The following NTN1 variants were observed in gnomAD, a reference collection of about 807,000 sequenced individuals.
The protein encoded by NTN1 is netrin-1.
NTN1 carries 11 observed loss-of-function variants against 54.2 expected under a neutral mutation model. The observed-to-expected ratio is 0.20, with a 90% CI of 0.13 to 0.34. The LOEUF is 0.34. Ranked by LOEUF, NTN1 falls within the 10% of genes least tolerant of loss-of-function variation. The pLI is 1.00. For synonymous variants in NTN1, 371 were observed against 382.0 expected (o/e 0.97, Z 0.33); for missense variants, 740 against 893.1 (o/e 0.83, Z 2.18).
intron 2 of NTN1, among the ~76,000 whole-genome samples, chr17:9,029,213 C>T (rs1250497087): frequency 1.3e-5 from 2 of 152,078 alleles, no homozygotes; most frequent in Non-Finnish European, 2.9e-5. Context: ...AGACAGACCA[C>T]AAACTCCTAT....
chr17:9,109,733 G>T (rs1445917683), intron 2 of NTN1, among the ~76,000 whole-genome samples: 1 of 152,176 alleles, frequency 6.6e-6, no homozygotes, highest in African/African-American at 2.4e-5. Flanking sequence ...CCAGCTCTAT[G>T]TGGAAATTTT....
intron 2 of NTN1, among the ~76,000 whole-genome samples, chr17:9,120,052 G>A (rs4791793): frequency 0.02 from 3,045 of 152,068 alleles, 177 homozygotes; most frequent in East Asian, 0.13. Flanking sequence ...AGACCGAGGC[G>A]GGTGGATCAC....
intron 6 of NTN1, among the ~76,000 whole-genome samples, chr17:9,225,266 T>A (rs112175512): frequency 0.21 from 31,737 of 150,630 alleles, 3,573 homozygotes; most frequent in African/African-American, 0.24. Flanking sequence ...AAAAAAAAAA[T>A]AAATAAAAAG....
chr17:9,136,187 C>T (rs934249397), intron 2 of NTN1, among the ~76,000 whole-genome samples: 4 of 152,232 alleles, frequency 2.6e-5, no homozygotes, highest in African/African-American at 7.2e-5. Context: ...CTGCCCTGCA[C>T]ACCTCAGTCT....
intron 2 of NTN1, among the ~76,000 whole-genome samples, chr17:9,160,186 C>T (rs1209504290): frequency 6.6e-6 from 1 of 152,152 alleles, no homozygotes; most frequent in East Asian, 1.9e-4. Context: ...TCATGGCAAC[C>T]TCCACCTCCC....
chr17:9,205,522 G>T (rs1171164599), intron 5 of NTN1, among the ~76,000 whole-genome samples: 1 of 152,268 alleles, frequency 6.6e-6, no homozygotes, highest in Non-Finnish European at 1.5e-5. Flanking sequence ...AGCTACGTGG[G>T]AGGCTAAGTA....
chr17:9,019,889 C>T (rs1181631597), upstream of NTN1, among the ~76,000 whole-genome samples: 1 of 152,210 alleles, frequency 6.6e-6, no homozygotes, highest in Non-Finnish European at 1.5e-5. Flanking sequence ...CTTTCTGCCA[C>T]AAGGTGAGGT....
chr17:9,150,411 G>GAAGGCGTAGAGTTGTGC (rs2092323988), intron 2 of NTN1, among the ~76,000 whole-genome samples: 1 of 152,238 alleles, frequency 6.6e-6, no homozygotes, highest in Admixed American at 6.5e-5. Context: ...TGGAGGTGGA[G>GAAGGCGTAGAGTTGTGC]AAGGCGTAGA....
At chr17:9,108,490 CCA>C (rs1240181016) in intron 2 of NTN1, among the ~76,000 whole-genome samples, 1 of 152,188 alleles carries the variant, frequency 6.6e-6, no homozygotes, top group Admixed American at 6.5e-5. Context: ...ATCAAATAAT[CCA>C]CAGACACCCC....
chr17:9,034,061 C>T (rs750844362), intron 2 of NTN1, among the ~76,000 whole-genome samples: 1 of 152,114 alleles, frequency 6.6e-6, no homozygotes, highest in Non-Finnish European at 1.5e-5. Flanking sequence ...AGAGAACACC[C>T]GTCTTTGACT....
chr17:9,145,376 C>T (rs1044338892), intron 2 of NTN1, among the ~76,000 whole-genome samples: 2 of 152,180 alleles, frequency 1.3e-5, no homozygotes, highest in Admixed American at 6.5e-5. Flanking sequence ...ACAACGCCAC[C>T]GGGCCCAGTG....
chr17:9,035,023 T>C (rs1170349646), intron 2 of NTN1, among the ~76,000 whole-genome samples: 2 of 152,228 alleles, frequency 1.3e-5, no homozygotes, highest in Non-Finnish European at 2.9e-5. Context: ...CGCGGCTCGC[T>C]GCAAGCTCCG....
intron 2 of NTN1, among the ~76,000 whole-genome samples, chr17:9,079,685 C>G (rs956550442): frequency 7.2e-5 from 11 of 151,752 alleles, no homozygotes; most frequent in Non-Finnish European, 1.2e-4. Flanking sequence ...GACCTGTTTC[C>G]TGGTTCCCCC....
rs764564681 is a variant in NTN1 at position 9,239,871 on chromosome 17, A to G, written c.1718A>G (p.Asp573Gly). Residue 573 changes from aspartate to glycine, a missense_variant, in exon 7 of 7, where the codon GAT becomes GGT. By Grantham distance (94) the Asp-to-Gly change is moderately conservative. Transcript: ENST00000173229. The surrounding 1 kb of genome is among the most constrained non-coding windows in gnomAD (Gnocchi z 5.2). Reference protein sequence around the residue: ...DSPDQSGIVADKSSLVIQWRD... With the variant: ...DSPDQSGIVAGKSSLVIQWRD... The stretch of plus-strand genomic sequence containing the variant: ...CCGGACCAGAGCGGCATCGTGGCCG[A>G]TAAAAGCAGCCTGGTGATCCAGTGG... The G allele has an allele frequency of 1.2e-6, 2 of 1,612,196 alleles. No homozygotes were observed. The highest frequency in any genetic ancestry group is 1.7e-6 in the Non-Finnish European group (2 of 1,179,580).
intron 5 of NTN1, among the ~76,000 whole-genome samples, chr17:9,194,720 ACAT>A (rs1904576272): frequency 6.6e-6 from 1 of 152,158 alleles, no homozygotes; most frequent in South Asian, 2.1e-4. Flanking sequence ...AGATTTTCTG[ACAT>A]CAGCCCAGGT....
intron 2 of NTN1, among the ~76,000 whole-genome samples, chr17:9,130,367 A>G (rs913178042): frequency 6.6e-6 from 1 of 152,088 alleles, no homozygotes; most frequent in African/African-American, 2.4e-5. Context: ...CTCACAGGTG[A>G]TAACTGCTCA....
intron 3 of NTN1, among the ~76,000 whole-genome samples, chr17:9,163,719 T>G (rs2092365958): frequency 6.6e-6 from 1 of 152,172 alleles, no homozygotes. Context: ...AATGAAGCAA[T>G]GGTCAGATGA....
In NTN1 at chr17:9,022,381, G is replaced by T. The variant is rs951076846; in HGVS notation, c.8G>T (p.Arg3Leu). 7.6e-6 allele frequency: 10 copies of T among 1,316,110 alleles called. No homozygotes were observed. The Admixed American group carries it at 3.3e-4, about 44-fold the overall frequency. The allele number at this position is 1,316,110 out of a possible 1,614,324, so 81.5% of individuals were successfully genotyped here. A position where few individuals can be genotyped will look rare whatever the true frequency, so the allele number is the denominator to read the frequency against. The stretch of plus-strand genomic sequence containing the variant: ...GGGCAAGCTGGACGCAGCATGATGC[G>T]CGCAGTGTGGGAGGCGCTGGCGGCG... MM[R>L]AVWEALAALA... is the part of the protein sequence containing the mutation. Residue 3 changes from arginine (R) to leucine (L), a missense_variant, in exon 2 of 7, where the codon CGC (arginine) becomes CTC (leucine). By Grantham distance (102) the Arg-to-Leu change is moderately radical. Transcript: ENST00000173229.
At chr17:9,023,829 C>T (rs1386894080) in intron 2 of NTN1, among the ~76,000 whole-genome samples, 1 of 152,236 alleles carries the variant, frequency 6.6e-6, no homozygotes, top group Admixed American at 6.5e-5. Flanking sequence ...TCCACACCTA[C>T]AAATCCCTTG....
Sources: allele counts gnomAD v4.1 joint callset (sites outside exome capture counted in the v4.1 genomes callset), GRCh38; gene constraint gnomAD v4.1.1; non-coding constraint Gnocchi (gnomAD v3.1); transcripts MANE v1.5; gene names NCBI Gene and HGNC (gene_info 2026-07-23, HGNC 2026-07-21).